Variants in SEMA3E observed in about 807,000 individuals in gnomAD.
The protein encoded by SEMA3E is semaphorin-3E.
Under a neutral mutation model 93.6 loss-of-function variants are expected in SEMA3E, and 49 were observed. That is an observed-to-expected ratio of 0.52 (90% CI 0.42 to 0.66). The LOEUF is 0.66. SEMA3E is among the 30% of genes least tolerant of loss of function. SEMA3E has a pLI of 0.00. For synonymous variants in SEMA3E, 363 were observed against 330.7 expected (o/e 1.10, Z -1.06); for missense variants, 906 against 964.8 (o/e 0.94, Z 0.81).
At chr7:83,545,460 G>A (rs1478136951) in intron 1 of SEMA3E, among the ~76,000 whole-genome samples, 1 of 150,280 alleles carries the variant, frequency 6.7e-6, no homozygotes, top group Admixed American at 6.7e-5. Flanking sequence ...AGCTTTTCAA[G>A]GCTTTATTAA....
intron 1 of SEMA3E, among the ~76,000 whole-genome samples, chr7:83,498,151 T>A (rs1466927473): frequency 6.6e-6 from 1 of 152,128 alleles, no homozygotes; most frequent in East Asian, 1.9e-4. Flanking sequence ...ATAATACATA[T>A]AAAAATATGT....
rs375562499 is a variant in SEMA3E, at chr7:83,430,449, T to TA, written c.457-11967dup. Among the ~76,000 whole-genome samples, 430 of 146,382 alleles carry TA rather than the reference T, an allele frequency of 2.9e-3. 3 individuals are homozygous for TA. The highest frequency in any genetic ancestry group is 0.01 in the Middle Eastern group (3 of 286). ...CACTGCACTCCAGCCTGGGTGACGT[T>TA]AAAAAAAAAAGAAAAGCCCAGATGA... On this transcript the variant is annotated intron_variant, in intron 4 of 16. Coordinates refer to ENST00000643230, the MANE Select transcript of SEMA3E (RefSeq NM_012431.3).
chr7:83,535,602 T>TTA (rs1399940996), intron 1 of SEMA3E, among the ~76,000 whole-genome samples: 2 of 152,150 alleles, frequency 1.3e-5, no homozygotes, highest in Non-Finnish European at 2.9e-5. Context: ...ACTAAAGTCA[T>TTA]TATTGTTCTG....
intron 1 of SEMA3E, among the ~76,000 whole-genome samples, chr7:83,636,613 T>C (rs980407301): frequency 6.6e-6 from 1 of 152,132 alleles, no homozygotes; most frequent in Non-Finnish European, 1.5e-5. Context: ...ATATTTCTCA[T>C]ACAAAAAATC....
rs551385948 is a variant in SEMA3E, at chr7:83,500,741, C to T, written c.116-10467G>A. Among the ~76,000 whole-genome samples the T allele has an allele frequency of 6.5e-4, 99 of 151,662 alleles. 1 individual carries two copies. The highest frequency in any genetic ancestry group is 2.2e-3 in the African/African-American group (91 of 41,318). On this transcript the variant is annotated intron_variant, in intron 1 of 16. Coordinates refer to ENST00000643230, the MANE Select transcript of SEMA3E (RefSeq NM_012431.3). ...CCAAGTAGCTGGGATTATAGGCATACGCCACCATACCCGGCTGATGTTTGT... is the reference window on the plus strand; with the variant it reads ...CCAAGTAGCTGGGATTATAGGCATATGCCACCATACCCGGCTGATGTTTGT...
At chr7:83,543,890 T>A (rs1791589003) in intron 1 of SEMA3E, among the ~76,000 whole-genome samples, 1 of 152,012 alleles carries the variant, frequency 6.6e-6, no homozygotes, top group Non-Finnish European at 1.5e-5. Flanking sequence ...AGCACTATAT[T>A]TTCACACTTC....
At chr7:83,433,666 G>A (rs921830544) in intron 4 of SEMA3E, among the ~76,000 whole-genome samples, 2 of 152,012 alleles carry the variant, frequency 1.3e-5, no homozygotes, top group Non-Finnish European at 2.9e-5. Context: ...AAAGCTTTCA[G>A]ATTTTTCAAA....
Position 83,434,065 on chromosome 7 carries a change from T to C in SEMA3E, c.457-15582A>G, listed in dbSNP as rs572999868. The stretch of plus-strand genomic sequence containing the variant: ...TTAGGTTGGTGCTAAATAACTGTAG[T>C]TTTACCATTACTTTTCATGGCAAAA... On this transcript the variant is annotated intron_variant, in intron 4 of 16. Coordinates refer to ENST00000643230, the MANE Select transcript of SEMA3E (RefSeq NM_012431.3). Among the ~76,000 whole-genome samples the C allele has an allele frequency of 1.1e-3, 162 of 152,198 alleles. 1 individual carries two copies. Among genetic ancestry groups the C allele is most frequent in the African/African-American group, 3.8e-3 (157 of 41,558 alleles).
chr7:83,547,899 A>C (rs1791683915), intron 1 of SEMA3E, among the ~76,000 whole-genome samples: 1 of 152,232 alleles, frequency 6.6e-6, no homozygotes, highest in African/African-American at 2.4e-5. Flanking sequence ...GTAATCATTA[A>C]TCTTTCAACA....
intron 1 of SEMA3E, among the ~76,000 whole-genome samples, chr7:83,544,927 T>C (rs745583179): frequency 3.3e-5 from 5 of 152,118 alleles, no homozygotes; most frequent in Non-Finnish European, 5.9e-5. Context: ...AAAAATTGAA[T>C]GTTTAATATT....
Position 83,363,727 on chromosome 7 carries a change from G to A in SEMA3E, c.*3859C>T, listed in dbSNP as rs935224769. On this transcript the variant is annotated 3_prime_UTR_variant, in exon 17 of 17. Transcript: ENST00000643230. The stretch of plus-strand genomic sequence containing the variant: ...TTTTTAAAATGGAACTCAGTGTGAC[G>A]CTCTGCTGTAAGAAAAAGAGTATGG... 2.0e-5 allele frequency: 3 copies of A among 152,084 alleles called. No individual in the cohort carries two copies. Among genetic ancestry groups the A allele is most frequent in the South Asian group, 2.1e-4 (1 of 4,826 alleles). The allele number at this position is 152,084 out of a possible 1,614,324, so 9.4% of individuals were successfully genotyped here. A position where few individuals can be genotyped will look rare whatever the true frequency, so the allele number is the denominator to read the frequency against.
chr7:83,634,626 G>T (rs945992792), intron 1 of SEMA3E, among the ~76,000 whole-genome samples: 1 of 151,398 alleles, frequency 6.6e-6, no homozygotes, highest in East Asian at 1.9e-4. Flanking sequence ...TCTTATTATG[G>T]TTATTTAAAT....
intron 1 of SEMA3E, among the ~76,000 whole-genome samples, chr7:83,518,689 C>T (rs993473848): frequency 6.6e-6 from 1 of 152,192 alleles, no homozygotes; most frequent in East Asian, 1.9e-4. Context: ...GACCTCAGAA[C>T]GTTAATGGAG....
At chr7:83,372,172 T>G (rs923254843) in intron 16 of SEMA3E, 7 of 397,322 alleles carry the variant, frequency 1.8e-5, no homozygotes, top group African/African-American at 1.4e-4. Flanking sequence ...TATTAAAAAC[T>G]TCCAGGTAAA....
intron 5 of SEMA3E, among the ~76,000 whole-genome samples, chr7:83,411,649 T>A (rs920293413): frequency 5.9e-5 from 9 of 152,098 alleles, no homozygotes; most frequent in African/African-American, 1.9e-4. Flanking sequence ...ATTATTAAAA[T>A]TTTTAATACA....
intron 1 of SEMA3E, among the ~76,000 whole-genome samples, chr7:83,542,905 G>A (rs2115769918): frequency 6.6e-6 from 1 of 152,164 alleles, no homozygotes. Flanking sequence ...AATTCATACT[G>A]TAATCAGGGA....
At position 83,441,766 on chromosome 7, in the gene SEMA3E, C is replaced by G. The variant is rs1040720547; in HGVS notation, c.457-23283G>C. Among the ~76,000 whole-genome samples the G allele has an allele frequency of 1.7e-4, 26 of 152,162 alleles. 1 individual carries two copies. Among genetic ancestry groups the G allele is most frequent in the Admixed American group, 9.2e-4 (14 of 15,270 alleles). On this transcript the variant is annotated intron_variant, in intron 4 of 16. Transcript: ENST00000643230. ...AAGCCTACAGGTATGGATACACACACATATATACATGTGTGTATATATACA... is the reference window on the plus strand; with the variant it reads ...AAGCCTACAGGTATGGATACACACAGATATATACATGTGTGTATATATACA...
At chr7:83,459,183 A>G (rs1789558425) in intron 4 of SEMA3E, among the ~76,000 whole-genome samples, 1 of 152,000 alleles carries the variant, frequency 6.6e-6, no homozygotes, top group Non-Finnish European at 1.5e-5. Flanking sequence ...ACCAATGATA[A>G]AGACAAAATC....
chr7:83,616,775 A>C (rs1793375711), intron 1 of SEMA3E: 1 of 439,178 alleles, frequency 2.3e-6, no homozygotes, highest in Non-Finnish European at 4.5e-6. Context: ...CCCAGGCTGC[A>C]GTGCAAAGGC....
Sources: allele counts gnomAD v4.1 joint callset (sites outside exome capture counted in the v4.1 genomes callset), GRCh38; gene constraint gnomAD v4.1.1; transcripts MANE v1.5; gene names NCBI Gene and HGNC (gene_info 2026-07-23, HGNC 2026-07-21).